Variants in TTK observed in about 807,000 individuals in gnomAD.
TTK encodes dual specificity protein kinase TTK.
Under a neutral mutation model 117.3 loss-of-function variants are expected in TTK, and 59 were observed. That is an observed-to-expected ratio of 0.50 (90% confidence interval 0.41 to 0.62). The LOEUF is 0.62. Ranked by LOEUF, TTK falls within the 20% of genes least tolerant of loss-of-function variation. The pLI is 0.00. For missense variants in TTK, 921 were observed against 989.4 expected (o/e 0.93, Z 0.93); for synonymous variants, 302 against 325.0 (o/e 0.93, Z 0.76).
At chr6:80,024,745 A>G (rs754452733) in intron 11 of TTK, among the ~76,000 whole-genome samples, 1 of 152,200 alleles carries the variant, frequency 6.6e-6, no homozygotes, top group Non-Finnish European at 1.5e-5. Context: ...AGAAAGAAAA[A>G]GTATAGAATC....
chr6:80,042,317 CA>C lies in TTK; in HGVS notation c.*123del. 1.6e-4 allele frequency: 120 copies of C among 755,736 alleles called. No homozygotes were observed. Among genetic ancestry groups the C allele is most frequent in the Middle Eastern group, 2.6e-4 (1 of 3,834 alleles). The allele number at this position is 755,736 out of a possible 1,614,324, so 46.8% of individuals were successfully genotyped here. ...CAACATCACTCTGAAGTGTTATCAGCAAAAAAAATTCAGTAGATTATCTTTA... is the reference window on the plus strand; with the variant it reads ...CAACATCACTCTGAAGTGTTATCAGCAAAAAAATTCAGTAGATTATCTTTA... On this transcript the variant is annotated 3_prime_UTR_variant, in exon 22 of 22. Coordinates refer to ENST00000369798, the MANE Select transcript of TTK (RefSeq NM_003318.5).
intron 14 of TTK, among the ~76,000 whole-genome samples, chr6:80,034,661 T>C (rs766534306): frequency 4.6e-5 from 7 of 152,146 alleles, no homozygotes; most frequent in Non-Finnish European, 8.8e-5. Flanking sequence ...TTTTTCTTTA[T>C]GCTGTTTCCC....
intron 9 of TTK, among the ~76,000 whole-genome samples, chr6:80,014,085 G>C (rs239565): frequency 0.047 from 7,151 of 152,124 alleles, 558 homozygotes; most frequent in African/African-American, 0.16. Flanking sequence ...GCAGTTACTA[G>C]TTTTGACTTA....
chr6:80,009,141 G>T (rs1252161215), intron 4 of TTK, among the ~76,000 whole-genome samples: 3 of 151,860 alleles, frequency 2.0e-5, no homozygotes, highest in Non-Finnish European at 2.9e-5. Flanking sequence ...AGGGCCTTTG[G>T]ATACACCCTC....
chr6:80,034,693 T>C (rs190113709), intron 14 of TTK, among the ~76,000 whole-genome samples: 6 of 152,252 alleles, frequency 3.9e-5, no homozygotes, highest in Non-Finnish European at 7.4e-5. Context: ...TCCAACAGAT[T>C]GTTATATATA....
chr6:80,031,841 A>T (rs1424559258), intron 14 of TTK, among the ~76,000 whole-genome samples: 1 of 152,142 alleles, frequency 6.6e-6, no homozygotes, highest in Non-Finnish European at 1.5e-5. Flanking sequence ...GTAGCGAATG[A>T]CCACTATGTA....
rs764059518 is a variant in TTK at position 80,032,254 on chromosome 6, A to ATTT, written c.1614+703_1614+705dup. On this transcript the variant is annotated intron_variant, in intron 14 of 21. Transcript: ENST00000369798. ...GATTACTTAGCATTTGGGACAACTGATTTTTTTTTTCGCAGTGAAGCTTTT... is the reference window on the plus strand; with the variant it reads ...GATTACTTAGCATTTGGGACAACTGATTTTTTTTTTTTTCGCAGTGAAGCTTTT... Among the ~76,000 whole-genome samples the ATTT allele has an allele frequency of 4.7e-5, 7 of 149,608 alleles. No homozygotes were observed. The South Asian group carries it at 1.3e-3, about 27-fold the overall frequency.
intron 1 of TTK, chr6:80,004,962 G>A (rs1766948050): frequency 6.6e-6 from 1 of 152,252 alleles, no homozygotes; most frequent in South Asian, 2.1e-4. Flanking sequence ...CTGGAAAGAA[G>A]GGGTGGTGGG....
chr6:80,017,103 T>G (rs192449908), intron 10 of TTK, among the ~76,000 whole-genome samples: 30 of 152,326 alleles, frequency 2.0e-4, no homozygotes, highest in Admixed American at 6.5e-5. Context: ...AGTTTAATGT[T>G]TACATATGTG....
At chr6:80,027,398 G>A (rs1767634090) in intron 12 of TTK, among the ~76,000 whole-genome samples, 1 of 152,128 alleles carries the variant, frequency 6.6e-6, no homozygotes, top group Non-Finnish European at 1.5e-5. Context: ...GCTCTTTTGT[G>A]CCAAGCATTG....
intron 10 of TTK, among the ~76,000 whole-genome samples, chr6:80,019,652 A>G (rs148598271): frequency 1.7e-3 from 263 of 152,340 alleles, no homozygotes; most frequent in Middle Eastern, 0.01. Flanking sequence ...CAACCTAAGT[A>G]AGAATCTTAG....
At chr6:80,016,798 A>C (rs1224539458) in intron 10 of TTK, among the ~76,000 whole-genome samples, 1 of 152,182 alleles carries the variant, frequency 6.6e-6, no homozygotes, top group Non-Finnish European at 1.5e-5. Context: ...GTTCAGAAGT[A>C]TTTCTTTCTC....
In TTK at chr6:80,026,445, C is replaced by G. The variant is rs567403155; in HGVS notation, c.1325C>G (p.Ser442Cys). Reference protein sequence around the residue: ...VSKQSPPISTSKWFDPKSICK... With the variant: ...VSKQSPPISTCKWFDPKSICK... ...AAACAGTCACCACCAATATCAACAT[C>G]TAAATGGTTTGACCCAAAATCTATT... The change falls in exon 12 of 22, where the codon TCT (serine) becomes TGT (cysteine). Residue 442 changes from serine (S) to cysteine (C), a missense_variant. Transcript: ENST00000369798. The G allele has an allele frequency of 4.3e-5, 70 of 1,613,760 alleles. 1 individual carries two copies. The Admixed American group carries it at 1.1e-3, about 26-fold the overall frequency.
intron 13 of TTK, among the ~76,000 whole-genome samples, chr6:80,031,044 C>CAAA (rs56848922): frequency 1.3e-5 from 1 of 77,924 alleles, no homozygotes; most frequent in Non-Finnish European, 2.7e-5. Flanking sequence ...GATGCTGTCT[C>CAAA]AAAAAAAAAA....
Position 80,026,477 on chromosome 6 carries a change from A to G in TTK, c.1357A>G (p.Thr453Ala), listed in dbSNP as rs755314310. 3 of 1,613,886 alleles carry G rather than the reference A, an allele frequency of 1.9e-6. No homozygotes were observed. Among genetic ancestry groups the G allele is most frequent in the South Asian group, 2.2e-5 (2 of 91,042 alleles). ...KWFDPKSICK[T>A]PSSNTLDDYM... ...GTTTGACCCAAAATCTATTTGTAAG[A>G]CACCAAGCAGCAATACCTTGGATGA... Residue 453 changes from threonine to alanine, a missense_variant, in exon 12 of 22, where the codon ACA becomes GCA. By Grantham distance (58) the Thr-to-Ala change is moderately conservative. Transcript: ENST00000369798.
At position 80,011,450 on chromosome 6, in the gene TTK, T is replaced by C. The variant is rs1316245224; in HGVS notation, c.630T>C (p.Thr210=). ...TTTTTACAGCATCTACGGTATTAAC[T>C]GCCCAAGAATCATTTTCCGGTTCAC... The part of the protein sequence containing the change: ...KKNLSASTVL[T]AQESFSGSLG... The change falls in exon 6 of 22, where the codon ACT becomes ACC. Residue 210 remains threonine, a synonymous_variant. Coordinates refer to ENST00000369798, the MANE Select transcript of TTK (RefSeq NM_003318.5). 1.3e-6 allele frequency: 2 copies of C among 1,599,242 alleles called. No homozygotes were observed.
chr6:80,035,128 C>G lies in TTK; in HGVS notation c.1758C>G (p.Ile586Met), dbSNP rs936242020. 6.4e-7 allele frequency: 1 copy of G among 1,556,934 alleles called. No individual in the cohort carries two copies. The highest frequency in any genetic ancestry group is 8.6e-7 in the Non-Finnish European group (1 of 1,158,392). ...TACAACAACACAGTGATAAGATCAT[C>G]CGACTTTATGATTAGTAAGAATTCT... ...NKLQQHSDKIIRLYDYEITDQ... is the reference protein window; with the variant it reads ...NKLQQHSDKIMRLYDYEITDQ... Residue 586 changes from isoleucine (I) to methionine (M), a missense_variant, in exon 15 of 22, where the codon ATC becomes ATG. Ile to Met is a conservative substitution (Grantham distance 10). Transcript: ENST00000369798.
chr6:80,042,113 T>C lies in TTK; in HGVS notation c.2491-6T>C. On this transcript the variant is annotated splice_polypyrimidine_tract_variant and splice_region_variant and intron_variant, in intron 21 of 21. Transcript: ENST00000369798. ...TGCAAAACAGATTTGTGTTTTTTAATTTCAGACTTTATATGAACACTATAG... is the reference window on the plus strand; with the variant it reads ...TGCAAAACAGATTTGTGTTTTTTAACTTCAGACTTTATATGAACACTATAG... 6.5e-7 allele frequency: 1 copy of C among 1,544,360 alleles called. No homozygotes were observed. The highest frequency in any genetic ancestry group is 8.7e-7 in the Non-Finnish European group (1 of 1,142,864).
intron 10 of TTK, among the ~76,000 whole-genome samples, chr6:80,020,416 C>G (rs1321881512): frequency 1.3e-5 from 2 of 151,998 alleles, no homozygotes; most frequent in Admixed American, 6.6e-5. Context: ...ACAAAATCTC[C>G]AAGTGAGATA....
Sources: allele counts gnomAD v4.1 joint callset (sites outside exome capture counted in the v4.1 genomes callset), GRCh38; gene constraint gnomAD v4.1.1; transcripts MANE v1.5; gene names NCBI Gene and HGNC (gene_info 2026-07-23, HGNC 2026-07-21).